The following PBX1 variants were observed in gnomAD, a reference collection of about 807,000 sequenced individuals.
PBX1 encodes the protein PBX homeobox 1, also known as pre-B-cell leukemia transcription factor 1.
A neutral mutation model predicts 53.4 loss-of-function variants in PBX1; 6 were observed. The ratio of observed to expected loss-of-function variants is 0.11; its 90% confidence interval spans 0.06 to 0.22. The LOEUF (loss-of-function observed/expected upper bound fraction) is 0.22. PBX1 is among the 10% of genes least tolerant of loss of function. The pLI, the probability that PBX1 is intolerant of heterozygous loss-of-function variation, is 1.00. For synonymous variants in PBX1, 204 were observed against 212.3 expected, an observed-to-expected ratio of 0.96 and a Z score of 0.34; for missense variants, 251 against 551.4, an observed-to-expected ratio of 0.46 and a Z score of 5.46.
chr1:164,727,327 G>A (rs572843715), intron 2 of PBX1, among the ~76,000 whole-genome samples: 135 of 152,168 alleles, frequency 8.9e-4, no homozygotes, highest in Non-Finnish European at 1.7e-3. Flanking sequence ...TTATGCCTAA[G>A]TAGTTCTATT....
chr1:164,772,474 AAAAG>A (rs1164604783), intron 2 of PBX1, among the ~76,000 whole-genome samples: 1 of 152,234 alleles, frequency 6.6e-6, no homozygotes, highest in Non-Finnish European at 1.5e-5. Context: ...CTGGTCTGGA[AAAAG>A]AAAGGCAAGT....
rs1175158856 is a variant in PBX1 at position 164,751,086 on chromosome 1, C to T, written c.266-41408C>T. ...ATCCCAGCACTTTGGGAGGCTGAGGCGGGCGGATCACTTGAGGTCAGGAGT... is the reference window on the plus strand; with the variant it reads ...ATCCCAGCACTTTGGGAGGCTGAGGTGGGCGGATCACTTGAGGTCAGGAGT... On this transcript the variant is annotated intron_variant, in intron 2 of 8. Transcript: ENST00000420696. 9.2e-5 allele frequency among the ~76,000 whole-genome samples: 14 copies of T among 151,990 alleles called. No homozygotes were observed. The East Asian group carries it at 1.4e-3, about 15-fold the overall frequency.
At chr1:164,671,977 AATTT>A (rs1386066435) in intron 2 of PBX1, among the ~76,000 whole-genome samples, 1 of 151,768 alleles carries the variant, frequency 6.6e-6, no homozygotes, top group East Asian at 1.9e-4. Context: ...CTTCATTATT[AATTT>A]GTTTCTTTTT....
chr1:164,665,663 G>A (rs549327937), intron 2 of PBX1, among the ~76,000 whole-genome samples: 2 of 152,272 alleles, frequency 1.3e-5, no homozygotes, highest in Admixed American at 1.3e-4. Flanking sequence ...GCCTGTGTTT[G>A]TAGCACCCAG....
intron 2 of PBX1, chr1:164,773,125 T>C (rs943014156): frequency 6.6e-6 from 1 of 152,186 alleles, no homozygotes; most frequent in Non-Finnish European, 1.5e-5. Flanking sequence ...TTTTGAATAC[T>C]GTAATTATTT....
chr1:164,651,014 A>G (rs114407788), intron 2 of PBX1, among the ~76,000 whole-genome samples: 60 of 151,910 alleles, frequency 3.9e-4, no homozygotes, highest in African/African-American at 1.4e-3. Flanking sequence ...AGGAAAGAAC[A>G]CTTCAAGCAT....
intron 2 of PBX1, among the ~76,000 whole-genome samples, chr1:164,671,847 A>G (rs1661132971): frequency 6.6e-6 from 1 of 152,154 alleles, no homozygotes; most frequent in Non-Finnish European, 1.5e-5. Context: ...TGCCAGCCCA[A>G]CTGGGAGCTC....
chr1:164,821,513 C>G (rs1670152744), intron 7 of PBX1, 24 bp from the exon 8 acceptor site: 3 of 1,589,562 alleles, frequency 1.9e-6, no homozygotes, highest in Non-Finnish European at 1.7e-6. Flanking sequence ...CTAATTTTCT[C>G]TCTGTTATTG....
intron 2 of PBX1, among the ~76,000 whole-genome samples, chr1:164,667,731 G>T (rs150260121): frequency 2.9e-3 from 449 of 152,312 alleles, no homozygotes; most frequent in African/African-American, 9.8e-3. Flanking sequence ...TCAAATACTT[G>T]TGCAGGAGTG....
chr1:164,777,345 C>T (rs532692689), intron 2 of PBX1, among the ~76,000 whole-genome samples: 35 of 152,264 alleles, frequency 2.3e-4, no homozygotes, highest in African/African-American at 8.2e-4. Context: ...ATCGCTTGAA[C>T]CCGGGAGGCG....
intron 2 of PBX1, among the ~76,000 whole-genome samples, chr1:164,877,846 A>G (rs1051186719): frequency 9.9e-5 from 15 of 152,182 alleles, no homozygotes; most frequent in Non-Finnish European, 2.1e-4. Flanking sequence ...TATTCATCAC[A>G]TCCAAAAGTT....
At chr1:164,869,599 C>T (rs1672300641) in intron 2 of PBX1, among the ~76,000 whole-genome samples, 1 of 152,152 alleles carries the variant, frequency 6.6e-6, no homozygotes, top group Admixed American at 6.5e-5. Flanking sequence ...GGGTAGAGAA[C>T]TCAAGTAGAC....
chr1:164,743,769 AAAGG>A (rs1411221201), intron 2 of PBX1, among the ~76,000 whole-genome samples: 1 of 152,322 alleles, frequency 6.6e-6, no homozygotes, highest in East Asian at 1.9e-4. Context: ...TTCCAGGCAA[AAAGG>A]AAGGAAGGAG....
rs576863983 is a variant in PBX1 at position 164,825,766 on chromosome 1, C to CT, written c.1200+4143dup. On this transcript the variant is annotated intron_variant, in intron 8 of 8. Transcript: ENST00000420696. ...TCTTATTATGAATTTTGTAAAATTT[C>CT]TTTCACTCCTCCTATCCTTAAAGAG... is the stretch of plus-strand genomic sequence containing the variant. Among the ~76,000 whole-genome samples the CT allele has an allele frequency of 4.6e-5, 7 of 152,242 alleles. No homozygotes were observed. The South Asian group carries it at 1.5e-3, about 32-fold the overall frequency.
At chr1:164,819,365 T>C (rs551970988) in intron 6 of PBX1, 4 of 152,286 alleles carry the variant, frequency 2.6e-5, no homozygotes, top group Middle Eastern at 6.8e-3. Flanking sequence ...ATTTTATGCA[T>C]GCTTGAGAAT....
chr1:164,801,960 G>GA (rs2102324829), intron 4 of PBX1, among the ~76,000 whole-genome samples: 1 of 152,342 alleles, frequency 6.6e-6, no homozygotes, highest in African/African-American at 2.4e-5. Context: ...AATTGGGAGA[G>GA]AGAGCTAAGC....
chr1:164,728,589 C>G (rs910652847), intron 2 of PBX1, among the ~76,000 whole-genome samples: 1 of 152,122 alleles, frequency 6.6e-6, no homozygotes, highest in Non-Finnish European at 1.5e-5. Context: ...TTGATTTAGA[C>G]AAGGCCAGAA....
At chr1:164,597,078 C>T (rs1363620469) in intron 2 of PBX1, among the ~76,000 whole-genome samples, 2 of 152,210 alleles carry the variant, frequency 1.3e-5, no homozygotes, top group African/African-American at 2.4e-5. Context: ...CCAGGATCTA[C>T]ACTTAGCTTG....
In PBX1 at chr1:164,875,990, A is replaced by G. The variant is rs529019225; in HGVS notation, n.258-23198A>G. 9.0e-3 allele frequency among the ~76,000 whole-genome samples: 474 copies of G among 52,908 alleles called. 13 individuals carry two copies. The highest frequency in any genetic ancestry group is 0.052 in the East Asian group (44 of 844). The allele number at this position is 52,908 out of a possible 152,430, so 34.7% of individuals were successfully genotyped here. A position where few individuals can be genotyped will look rare whatever the true frequency, so the allele number is the denominator to read the frequency against. ...ACCTATATATATTTGGTGTATGTGT[A>G]TATATATATATATATACACACATAC... On this transcript the variant is annotated intron_variant and non_coding_transcript_variant, in intron 2 of 2. Transcript: ENST00000558796.
Sources: gnomAD v4.1 joint callset for allele counts (sites outside exome capture counted in the v4.1 genomes callset) on GRCh38, gnomAD v4.1.1 for gene constraint, MANE v1.5 for transcripts, NCBI Gene and HGNC (gene_info 2026-07-23, HGNC 2026-07-21) for gene names.